TBC1D1: variants seen among roughly 807,000 people sequenced by gnomAD.
The protein encoded by TBC1D1 is TBC1 domain family member 1.
Under a neutral mutation model 125.6 loss-of-function variants are expected in TBC1D1, and 89 were observed. That is an observed-to-expected ratio of 0.71 (90% CI 0.60 to 0.85). TBC1D1 has a LOEUF of 0.85. Ranked by LOEUF, TBC1D1 falls within the 40% of genes least tolerant of loss-of-function variation. The probability of loss-of-function intolerance (pLI) is 0.00; values close to 1 mark genes in which losing one functional copy is unlikely to be tolerated. For synonymous variants in TBC1D1, 565 were observed against 564.1 expected (o/e 1.00, Z -0.02); for missense variants, 1,377 against 1,469.2 (o/e 0.94, Z 1.03).
intron 1 of TBC1D1, among the ~76,000 whole-genome samples, chr4:37,893,296 G>A (rs1713772921): frequency 6.6e-6 from 1 of 152,176 alleles, no homozygotes; most frequent in Non-Finnish European, 1.5e-5. Flanking sequence ...TAGGTCCCCA[G>A]TTTTTGCTCT....
intron 6 of TBC1D1, among the ~76,000 whole-genome samples, chr4:38,025,618 G>C (rs1744922871): frequency 6.6e-6 from 1 of 152,160 alleles, no homozygotes; most frequent in South Asian, 2.1e-4. Context: ...AAGCCTTGGG[G>C]TTTATTCTCC....
intron 2 of TBC1D1, among the ~76,000 whole-genome samples, chr4:37,972,117 G>T (rs545132559): frequency 6.6e-6 from 1 of 152,238 alleles, no homozygotes; most frequent in South Asian, 2.1e-4. Flanking sequence ...GTGTCTTTGA[G>T]CAATGACTAT....
chr4:37,911,093 A>G (rs908625842), intron 2 of TBC1D1, among the ~76,000 whole-genome samples: 2 of 149,384 alleles, frequency 1.3e-5, no homozygotes, highest in Admixed American at 6.7e-5. Context: ...AGTAATAGGA[A>G]TATTCATCAC....
At chr4:37,960,464 A>C (rs749130450) in intron 2 of TBC1D1, 1 of 1,613,898 alleles carries the variant, frequency 6.2e-7, no homozygotes, top group South Asian at 1.1e-5. Flanking sequence ...TTGATAAGGA[A>C]ATTGGAGAAC....
chr4:38,110,165 C>T (rs1315670555), intron 15 of TBC1D1: 14 of 981,952 alleles, frequency 1.4e-5, no homozygotes, highest in Non-Finnish European at 1.3e-5. Context: ...TCAGGAGTCT[C>T]GCTGAAAATG....
At chr4:37,989,725 G>A (rs1283244427) in intron 2 of TBC1D1, among the ~76,000 whole-genome samples, 3 of 152,214 alleles carry the variant, frequency 2.0e-5, no homozygotes, top group Admixed American at 6.5e-5. Context: ...GGGAAAATGG[G>A]GGAGAGAGGA....
At chr4:37,973,676 C>T (rs1018484532) in intron 2 of TBC1D1, among the ~76,000 whole-genome samples, 1 of 152,196 alleles carries the variant, frequency 6.6e-6, no homozygotes, top group African/African-American at 2.4e-5. Context: ...CACATCAAAA[C>T]TATGTTGTTG....
At chr4:38,016,617 G>T (rs1742777648) in intron 3 of TBC1D1, among the ~76,000 whole-genome samples, 1 of 152,210 alleles carries the variant, frequency 6.6e-6, no homozygotes, top group Non-Finnish European at 1.5e-5. Flanking sequence ...CAAGAAGATA[G>T]GCTTCAAGAG....
intron 2 of TBC1D1, among the ~76,000 whole-genome samples, chr4:38,002,980 G>A (rs1025520779): frequency 2.0e-5 from 3 of 152,176 alleles, no homozygotes; most frequent in African/African-American, 7.2e-5. Flanking sequence ...AGTCAGCATA[G>A]CAAGGAAGTC....
chr4:37,962,817 A>G (rs1273052590), intron 2 of TBC1D1, among the ~76,000 whole-genome samples: 1 of 152,224 alleles, frequency 6.6e-6, no homozygotes, highest in African/African-American at 2.4e-5. Context: ...AGTCAAGGGA[A>G]TTGAATAAAA....
chr4:38,020,662 C>G lies in TBC1D1; in HGVS notation c.1044C>G (p.Val348=), dbSNP rs751755805. 1.2e-6 allele frequency: 2 copies of G among 1,612,896 alleles called. No homozygotes were observed. Among genetic ancestry groups the G allele is most frequent in the South Asian group, 1.1e-5 (1 of 91,072 alleles). Residue 348 remains valine, a synonymous_variant, in exon 5 of 20, where the codon GTC becomes GTG. Transcript: ENST00000261439. ...CCGGAGGTGGCGGCTTTCATTTTGT[C>G]TGTTACGTGTTTCAGTGCACAAATG...
At position 37,982,567 on chromosome 4, in the gene TBC1D1, T is replaced by C. The variant is rs192134243; in HGVS notation, c.418-31942T>C. Among the ~76,000 whole-genome samples the C allele has an allele frequency of 4.7e-3, 720 of 152,232 alleles. 6 individuals carry two copies. The highest frequency in any genetic ancestry group is 7.7e-3 in the Non-Finnish European group (522 of 68,020). On this transcript the variant is annotated intron_variant, in intron 2 of 19. Transcript: ENST00000261439. ...TTATCTGGTAGTGGTGGCAGCTGTG[T>C]TTTGGGCTTTGGGAACTCTAGTTGC... is the stretch of plus-strand genomic sequence containing the variant.
At chr4:38,030,755 C>G (rs146486520) in intron 7 of TBC1D1, among the ~76,000 whole-genome samples, 2 of 152,076 alleles carry the variant, frequency 1.3e-5, no homozygotes, top group Non-Finnish European at 2.9e-5. Flanking sequence ...GAATTTGTTT[C>G]GGAAAAAGTC....
rs1461446735 is a variant in TBC1D1, at chr4:38,138,368, C to G, written c.*1033C>G. 1 of 152,336 alleles carries G rather than the reference C, an allele frequency of 6.6e-6. No homozygotes were observed. The highest frequency in any genetic ancestry group is 2.4e-5 in the African/African-American group (1 of 41,410). The allele number at this position is 152,336 out of a possible 1,614,324, so 9.4% of individuals were successfully genotyped here. On this transcript the variant is annotated 3_prime_UTR_variant, in exon 20 of 20. Coordinates refer to ENST00000261439, the MANE Select transcript of TBC1D1 (RefSeq NM_015173.4). ...TTGTGTGATGTAATGCAATCATGTT[C>G]CTTTGAGTCTCCATCCCTTGGAAAT...
intron 12 of TBC1D1, among the ~76,000 whole-genome samples, chr4:38,070,872 A>G (rs1331176932): frequency 6.6e-6 from 1 of 152,228 alleles, no homozygotes; most frequent in Non-Finnish European, 1.5e-5. Context: ...AGAAAACCTC[A>G]TCTTCTCATA....
chr4:38,054,859 C>T (rs1408693385), intron 12 of TBC1D1: 1 of 155,770 alleles, frequency 6.4e-6, no homozygotes, highest in Admixed American at 6.2e-5. Context: ...TGATTCTTCC[C>T]TTGGGGTGGG....
intron 13 of TBC1D1, 96 bp downstream of exon 15, chr4:38,090,213 A>AT: frequency 3.4e-6 from 4 of 1,178,170 alleles, no homozygotes; most frequent in South Asian, 1.3e-5. Context: ...AAAATACAGC[A>AT]GCACGATAGT....
At chr4:38,010,254 C>G (rs1275572355) in intron 2 of TBC1D1, among the ~76,000 whole-genome samples, 1 of 152,172 alleles carries the variant, frequency 6.6e-6, no homozygotes, top group Non-Finnish European at 1.5e-5. Context: ...CAGCCCTTAT[C>G]CTGTTGTAAG....
intron 2 of TBC1D1, among the ~76,000 whole-genome samples, chr4:37,979,210 G>A (rs548891505): frequency 8.5e-5 from 13 of 152,174 alleles, no homozygotes; most frequent in African/African-American, 2.4e-4. Context: ...GGACAACAGC[G>A]GAAAAACTAT....
Sources: allele counts gnomAD v4.1 joint callset (sites outside exome capture counted in the v4.1 genomes callset), GRCh38; gene constraint gnomAD v4.1.1; transcripts MANE v1.5; gene names NCBI Gene and HGNC (gene_info 2026-07-23, HGNC 2026-07-21).